SEPTIN7: variants seen among roughly 807,000 people sequenced by gnomAD.
The protein encoded by SEPTIN7 is septin 7.
In SEPTIN7, 10 loss-of-function variants were observed where a neutral mutation model predicts 63.3. The ratio of observed to expected loss-of-function variants is 0.16; its 90% CI spans 0.10 to 0.27. SEPTIN7 has a LOEUF of 0.27. SEPTIN7 is among the 10% of genes least tolerant of loss of function. SEPTIN7 has a pLI of 1.00. For missense variants in SEPTIN7, 310 were observed against 521.0 expected (o/e 0.59, Z 3.94); for synonymous variants, 131 against 165.3 (o/e 0.79, Z 1.59).
intron 1 of SEPTIN7, 38 bp downstream of exon 1, chr7:35,801,308 C>T (rs1479592161): frequency 8.6e-6 from 13 of 1,513,814 alleles, no homozygotes; most frequent in Admixed American, 2.2e-5. Context: ...TTGGGGTCAG[C>T]GGCTCCGAAT....
At chr7:35,902,250 T>C (rs1247990079) in intron 12 of SEPTIN7, 2 of 151,902 alleles carry the variant, frequency 1.3e-5, no homozygotes, top group Non-Finnish European at 2.9e-5. Flanking sequence ...GACTTGCACC[T>C]AAATGAAATT....
At chr7:35,888,758 T>G (rs1365845693) in intron 10 of SEPTIN7, 7 of 227,686 alleles carry the variant, frequency 3.1e-5, no homozygotes, top group Non-Finnish European at 6.2e-5. Flanking sequence ...AGGCAGAGAT[T>G]GTAGTGAGCT....
chr7:35,887,638 C>CA (rs1787344105), intron 10 of SEPTIN7, among the ~76,000 whole-genome samples: 1 of 152,226 alleles, frequency 6.6e-6, no homozygotes, highest in Non-Finnish European at 1.5e-5. Context: ...TGAGCCACCA[C>CA]ACCCACCCAG....
chr7:35,884,027 A>C, intron 9 of SEPTIN7, 40 bp downstream of exon 9: 242 of 1,223,718 alleles, frequency 2.0e-4, no homozygotes, highest in Non-Finnish European at 2.6e-4. Context: ...AAAATATCTC[A>C]AAACTGATTA....
chr7:35,829,125 CTTCTTTTT>C (rs1783678156), intron 1 of SEPTIN7, among the ~76,000 whole-genome samples: 1 of 90,518 alleles, frequency 1.1e-5, no homozygotes, highest in Non-Finnish European at 2.3e-5. Context: ...GTTCATGGAC[CTTCTTTTT>C]TTTTTTTTTT....
chr7:35,901,678 C>G (rs186353555), intron 12 of SEPTIN7: 1 of 152,064 alleles, frequency 6.6e-6, no homozygotes, highest in South Asian at 2.1e-4. Flanking sequence ...AAGCCTACTA[C>G]CTGGCTTAAA....
chr7:35,883,646 T>C (rs1163392480), intron 8 of SEPTIN7, among the ~76,000 whole-genome samples: 3 of 151,818 alleles, frequency 2.0e-5, no homozygotes, highest in Admixed American at 6.6e-5. Context: ...TTGACCAGTA[T>C]ATGCTTGAAT....
intron 4 of SEPTIN7, among the ~76,000 whole-genome samples, chr7:35,865,819 C>T (rs182102287): frequency 1.2e-4 from 19 of 152,280 alleles, no homozygotes; most frequent in African/African-American, 4.6e-4. Flanking sequence ...ATTTTCTCCC[C>T]AGGCAAGCAT....
chr7:35,912,171 A>G, the SEPTIN7 span, among the ~76,000 whole-genome samples: 1 of 152,250 alleles, frequency 6.6e-6, no homozygotes, highest in Non-Finnish European at 1.5e-5. Context: ...AACTGGCCAT[A>G]AACAAAATCT....
At chr7:35,851,508 T>C (rs532207693) in intron 3 of SEPTIN7, among the ~76,000 whole-genome samples, 20 of 152,296 alleles carry the variant, frequency 1.3e-4, no homozygotes, top group Middle Eastern at 3.4e-3. Flanking sequence ...GTTACAGATA[T>C]TCTTTTTATC....
chr7:35,872,840 A>C (rs375491528), intron 5 of SEPTIN7, 74 bp downstream of exon 5: 3 of 993,694 alleles, frequency 3.0e-6, no homozygotes, highest in Non-Finnish European at 4.8e-6. Flanking sequence ...TCTTCTTAAC[A>C]TTTTAAAACT....
chr7:35,806,932 G>A (rs1788381209), intron 1 of SEPTIN7, among the ~76,000 whole-genome samples: 1 of 152,210 alleles, frequency 6.6e-6, no homozygotes. Context: ...ATGGGGCCCT[G>A]AAAATCTTTG....
chr7:35,836,864 A>G (rs1327927910), intron 3 of SEPTIN7, among the ~76,000 whole-genome samples: 2 of 152,122 alleles, frequency 1.3e-5, no homozygotes, highest in Non-Finnish European at 2.9e-5. Flanking sequence ...ATTCCGTGAA[A>G]TGTTTTGAGT....
chr7:35,809,617 A>G (rs1221358097), intron 1 of SEPTIN7, among the ~76,000 whole-genome samples: 7 of 152,250 alleles, frequency 4.6e-5, no homozygotes, highest in Admixed American at 3.3e-4. Flanking sequence ...ATGCTGGAGA[A>G]GGTGAATCTT....
chr7:35,865,716 G>C (rs552514119), intron 4 of SEPTIN7, among the ~76,000 whole-genome samples: 1 of 152,190 alleles, frequency 6.6e-6, no homozygotes, highest in African/African-American at 2.4e-5. Flanking sequence ...TTTCATGAAA[G>C]TGTTTTGATA....
chr7:35,889,716 G>A (rs983864934), intron 10 of SEPTIN7, among the ~76,000 whole-genome samples: 11 of 152,050 alleles, frequency 7.2e-5, no homozygotes, highest in African/African-American at 2.7e-4. Context: ...ACTGATTTTT[G>A]TATTTTTAGT....
downstream of SEPTIN7, among the ~76,000 whole-genome samples, chr7:35,911,304 G>T (rs1427946226): frequency 6.6e-6 from 1 of 152,170 alleles, no homozygotes; most frequent in East Asian, 1.9e-4. Context: ...ATCTTGGCTG[G>T]CAATAATGCC....
At chr7:35,818,912 T>C (rs917711930) in intron 1 of SEPTIN7, among the ~76,000 whole-genome samples, 1 of 151,970 alleles carries the variant, frequency 6.6e-6, no homozygotes, top group Non-Finnish European at 1.5e-5. Flanking sequence ...ATCTTTTCAG[T>C]GAACTAACTT....
intron 3 of SEPTIN7, among the ~76,000 whole-genome samples, chr7:35,862,142 A>G (rs866019898): frequency 6.6e-6 from 1 of 152,174 alleles, no homozygotes; most frequent in Admixed American, 6.5e-5. Flanking sequence ...CAGAAGTATA[A>G]CAAACTAAGA....
Sources: gnomAD v4.1 joint callset for allele counts (sites outside exome capture counted in the v4.1 genomes callset) on GRCh38, gnomAD v4.1.1 for gene constraint, MANE v1.5 for transcripts, NCBI Gene and HGNC (gene_info 2026-07-23, HGNC 2026-07-21) for gene names.